IGSF9B: variants seen among roughly 807,000 people sequenced by gnomAD.
IGSF9B encodes the protein immunoglobulin superfamily member 9B.
IGSF9B carries 48 observed loss-of-function variants against 143.7 expected under a neutral mutation model. The observed-to-expected ratio is 0.33, with a 90% CI of 0.26 to 0.42. IGSF9B has a LOEUF of 0.42. Ranked by LOEUF, IGSF9B falls within the 20% of genes least tolerant of loss-of-function variation. The pLI is 1.00. For missense variants in IGSF9B, 1,706 were observed against 1,980.0 expected, an observed-to-expected ratio of 0.86 and a Z score of 2.63; for synonymous variants, 903 against 833.1, an observed-to-expected ratio of 1.08 and a Z score of -1.44.
intron 1 of IGSF9B, among the ~76,000 whole-genome samples, chr11:133,951,222 C>G (rs1940152098): frequency 6.6e-6 from 1 of 152,206 alleles, no homozygotes; most frequent in Non-Finnish European, 1.5e-5. Flanking sequence ...CCTGTTCTCC[C>G]TGCAGGAAGG....
intron 1 of IGSF9B, among the ~76,000 whole-genome samples, chr11:133,950,355 G>C (rs1473533805): frequency 6.6e-6 from 1 of 152,200 alleles, no homozygotes; most frequent in African/African-American, 2.4e-5. Context: ...CTGCACCCTA[G>C]GCTCTGTGCT....
chr11:133,913,234 C>G lies in IGSF9B; in HGVS notation c.3984-1227G>C, dbSNP rs1268846299. ...CTCCCTCCCCTATCTCCATTGCAAA[C>G]AGTTTTTGGAAAGTCCTGATTAAAA... is the stretch of plus-strand genomic sequence containing the variant. On this transcript the variant is annotated intron_variant, in intron 18 of 19. Coordinates refer to ENST00000533871, the MANE Select transcript of IGSF9B (RefSeq NM_001277285.4). The surrounding 1 kb of genome is among the most constrained non-coding windows in gnomAD (Gnocchi z 4.6). Among the ~76,000 whole-genome samples the G allele has an allele frequency of 6.6e-6, 1 of 151,956 alleles. No homozygotes were observed. The highest frequency in any genetic ancestry group is 2.4e-5 in the African/African-American group (1 of 41,338).
rs1320548125 is a variant in IGSF9B at position 133,898,594 on chromosome 11, C to T, written c.*10475G>A. ...CCCTTCTGGGCCCTCTATCCCCAGC[C>T]CCACACCTGGCAGTTAGGAAATTAA... On this transcript the variant is annotated 3_prime_UTR_variant, in exon 20 of 20. Transcript: ENST00000533871. 2 of 154,410 alleles carry T rather than the reference C, an allele frequency of 1.3e-5. No individual in the cohort carries two copies. Among genetic ancestry groups the T allele is most frequent in the Non-Finnish European group, 2.9e-5 (2 of 68,272 alleles). 9.6% of individuals were successfully genotyped at this position (154,410 alleles called of 1,614,324 possible).
chr11:133,908,791 A>G lies in IGSF9B; in HGVS notation c.*278T>C. ...ACATTGGAAGAGATGAGAAAAATCA[A>G]CCTAGTGAAGCAGGGGGCGGAGGGG... On this transcript the variant is annotated 3_prime_UTR_variant, in exon 20 of 20. Transcript: ENST00000533871. 2.6e-6 allele frequency: 1 copy of G among 390,376 alleles called. No homozygotes were observed. The highest frequency in any genetic ancestry group is 4.1e-5 in the Admixed American group (1 of 24,402). 24.2% of individuals were successfully genotyped at this position (390,376 alleles called of 1,614,324 possible).
intron 7 of IGSF9B, among the ~76,000 whole-genome samples, chr11:133,934,236 C>T: frequency 6.6e-6 from 1 of 152,182 alleles, no homozygotes; most frequent in East Asian, 1.9e-4. Context: ...GAGGAGGGGC[C>T]TTCATCCTGG....
At position 133,903,789 on chromosome 11, in the gene IGSF9B, G is replaced by C. The variant is rs150424621; in HGVS notation, c.*5280C>G. On this transcript the variant is annotated 3_prime_UTR_variant, in exon 20 of 20. Transcript: ENST00000533871. ...GTACAGACAGGAACCCAGAAATAAGGCTCTGAACCAGTGTGGATTCACTCG... is the reference window on the plus strand; with the variant it reads ...GTACAGACAGGAACCCAGAAATAAGCCTCTGAACCAGTGTGGATTCACTCG... 1.1e-3 allele frequency among the ~76,000 whole-genome samples: 175 copies of C among 152,298 alleles called. No individual in the cohort carries two copies. The highest frequency in any genetic ancestry group is 4.0e-3 in the African/African-American group (166 of 41,576).
chr11:133,947,722 C>CTCTCTCTCTCTA (rs1940080185), intron 1 of IGSF9B, among the ~76,000 whole-genome samples: 1 of 151,162 alleles, frequency 6.6e-6, no homozygotes. Flanking sequence ...CTCTCTCTCT[C>CTCTCTCTCTCTA]TCTCTCTCTC....
chr11:133,906,561 G>A lies in IGSF9B; in HGVS notation c.*2508C>T, dbSNP rs1939212820. Among the ~76,000 whole-genome samples, 1 of 152,244 alleles carries A rather than the reference G, an allele frequency of 6.6e-6. No individual in the cohort carries two copies. The highest frequency in any genetic ancestry group is 1.5e-5 in the Non-Finnish European group (1 of 68,042). Reference sequence around the variant, plus strand: ...GTCATGGGCACTGCCAGAGGAAGCGGAGGAGGAGTCAGCACCTGGGTTAGC... The same window carrying A: ...GTCATGGGCACTGCCAGAGGAAGCGAAGGAGGAGTCAGCACCTGGGTTAGC... On this transcript the variant is annotated 3_prime_UTR_variant, in exon 20 of 20. Transcript: ENST00000533871.
intron 3 of IGSF9B, among the ~76,000 whole-genome samples, chr11:133,940,588 T>C (rs1159309435): frequency 5.1e-4 from 47 of 92,814 alleles, no homozygotes; most frequent in African/African-American, 8.0e-4. Flanking sequence ...ACACCTCGCA[T>C]GTCCTCGCAC....
chr11:133,911,022 G>A (rs1047679179), intron 19 of IGSF9B, among the ~76,000 whole-genome samples: 2 of 152,078 alleles, frequency 1.3e-5, no homozygotes, highest in East Asian at 3.9e-4. Context: ...CCGTCTCCCA[G>A]AGATTCATGG....
In IGSF9B at chr11:133,931,328, C is replaced by T. The variant is rs1939724446; in HGVS notation, c.1368+125G>A. 3 of 849,136 alleles carry T rather than the reference C, an allele frequency of 3.5e-6. No individual in the cohort carries two copies. The South Asian group carries it at 5.1e-5, about 15-fold the overall frequency. 52.6% of individuals were successfully genotyped at this position (849,136 alleles called of 1,614,324 possible). A position where few individuals can be genotyped will look rare whatever the true frequency, so the allele number is the denominator to read the frequency against. The stretch of plus-strand genomic sequence containing the variant: ...TCAGGGCAGGTCCAGAATAGAACTG[C>T]TCGCTGGGCCCTCACACCTCCCCTC... On this transcript the variant is annotated intron_variant, in intron 10 of 19. Coordinates refer to ENST00000533871, the MANE Select transcript of IGSF9B (RefSeq NM_001277285.4). This position sits in a 1 kb window ranked among gnomAD's most constrained non-coding sequence, Gnocchi z 7.7.
intron 1 of IGSF9B, among the ~76,000 whole-genome samples, chr11:133,947,256 G>A (rs1045090036): frequency 2.0e-5 from 3 of 152,182 alleles, no homozygotes; most frequent in South Asian, 2.1e-4. Flanking sequence ...CTCCTCCCAC[G>A]CCAGGCTCCA....
Position 133,953,187 on chromosome 11 carries a change from C to T in IGSF9B, c.64+3504G>A, listed in dbSNP as rs1457083841. ...TCTTCCAGCGAGGCAGCCTCTGCTC[C>T]TCTGTAACCAGATTCCAGCCTTCTG... On this transcript the variant is annotated intron_variant, in intron 1 of 19. Coordinates refer to ENST00000533871, the MANE Select transcript of IGSF9B (RefSeq NM_001277285.4). This position sits in a 1 kb window ranked among gnomAD's most constrained non-coding sequence, Gnocchi z 4.2. Among the ~76,000 whole-genome samples, 1 of 152,184 alleles carries T rather than the reference C, an allele frequency of 6.6e-6. No individual in the cohort carries two copies. The highest frequency in any genetic ancestry group is 1.5e-5 in the Non-Finnish European group (1 of 68,024).
intron 8 of IGSF9B, 42 bp downstream of exon 8, chr11:133,932,029 G>C (rs763403229): frequency 6.3e-7 from 1 of 1,586,770 alleles, no homozygotes; most frequent in Non-Finnish European, 8.6e-7. Flanking sequence ...CAGTACTGGG[G>C]GGAGCCCTCA....
chr11:133,930,061 T>A (rs777546914), intron 11 of IGSF9B, among the ~76,000 whole-genome samples: 6 of 152,074 alleles, frequency 3.9e-5, no homozygotes, highest in Non-Finnish European at 8.8e-5. Context: ...ACCAGAGCCC[T>A]CCTCGTCCTG....
intron 15 of IGSF9B, 32 bp from the exon 16 acceptor site, chr11:133,922,762 C>CATCCTT: frequency 1.3e-6 from 2 of 1,527,580 alleles, no homozygotes; most frequent in Non-Finnish European, 1.8e-6. Context: ...CTCATGAGCC[C>CATCCTT]ATCCTTCCCC....
Position 133,931,598 on chromosome 11 carries a change from G to A in IGSF9B, c.1252-29C>T. 1.2e-6 allele frequency: 2 copies of A among 1,610,208 alleles called. No individual in the cohort carries two copies. Among genetic ancestry groups the A allele is most frequent in the Non-Finnish European group, 1.7e-6 (2 of 1,177,516 alleles). On this transcript the variant is annotated intron_variant, in intron 9 of 19. Transcript: ENST00000533871. The surrounding 1 kb of genome is among the most constrained non-coding windows in gnomAD (Gnocchi z 7.7). ...GGGAGGAAAGCACAGGCACCCTCGTGAGGCCGGGGATCCAGGTGCCCAGCT... is the reference window on the plus strand; with the variant it reads ...GGGAGGAAAGCACAGGCACCCTCGTAAGGCCGGGGATCCAGGTGCCCAGCT...
At chr11:133,947,788 C>G (rs1940083153) in intron 1 of IGSF9B, among the ~76,000 whole-genome samples, 1 of 150,228 alleles carries the variant, frequency 6.7e-6, no homozygotes, top group Admixed American at 6.7e-5. Context: ...CTCTGTGTGT[C>G]TGTCTGTCTG....
chr11:133,899,848 C>T lies in IGSF9B; in HGVS notation c.*9221G>A, dbSNP rs1316189818. Reference sequence around the variant, plus strand: ...CACCTCTTCTTCTTGCCCAATCCCCCTGAAAAATCTTACAAGAAACACTCA... The same window carrying T: ...CACCTCTTCTTCTTGCCCAATCCCCTTGAAAAATCTTACAAGAAACACTCA... On this transcript the variant is annotated 3_prime_UTR_variant, in exon 20 of 20. Coordinates refer to ENST00000533871, the MANE Select transcript of IGSF9B (RefSeq NM_001277285.4). 1 of 152,192 alleles carries T rather than the reference C, an allele frequency of 6.6e-6. No individual in the cohort carries two copies. The highest frequency in any genetic ancestry group is 1.5e-5 in the Non-Finnish European group (1 of 68,074). The allele number at this position is 152,192 out of a possible 1,614,324, so 9.4% of individuals were successfully genotyped here.
Sources: gnomAD v4.1 joint callset for allele counts (sites outside exome capture counted in the v4.1 genomes callset) on GRCh38, gnomAD v4.1.1 for gene constraint, Gnocchi (gnomAD v3.1) non-coding constraint, MANE v1.5 for transcripts, NCBI Gene and HGNC (gene_info 2026-07-23, HGNC 2026-07-21) for gene names.